PTPRM: variants seen among roughly 807,000 people sequenced by gnomAD.
PTPRM encodes the protein protein tyrosine phosphatase receptor type M, also known as receptor-type tyrosine-protein phosphatase mu.
Under a neutral mutation model 186.7 loss-of-function variants are expected in PTPRM, and 47 were observed. The ratio of observed to expected loss-of-function variants is 0.25; its 90% CI spans 0.20 to 0.32. The LOEUF (loss-of-function observed/expected upper bound fraction) is 0.32. PTPRM is among the 10% of genes least tolerant of loss of function. The pLI is 1.00. For synonymous variants in PTPRM, 668 were observed against 674.9 expected, an observed-to-expected ratio of 0.99 and a Z score of 0.16; for missense variants, 1,494 against 1,865.0, an observed-to-expected ratio of 0.80 and a Z score of 3.66.
intron 14 of PTPRM, among the ~76,000 whole-genome samples, chr18:8,192,189 A>G (rs2093719080): frequency 6.6e-6 from 1 of 152,184 alleles, no homozygotes; most frequent in Non-Finnish European, 1.5e-5. Context: ...GTAATATTAA[A>G]TTTGAATTGG....
At chr18:7,854,505 G>C (rs1169187353) in intron 2 of PTPRM, among the ~76,000 whole-genome samples, 1 of 152,132 alleles carries the variant, frequency 6.6e-6, no homozygotes, top group Non-Finnish European at 1.5e-5. Context: ...ATTACAGATG[G>C]AAAGTTTGTA....
At chr18:8,099,046 T>G (rs577243021) in intron 11 of PTPRM, among the ~76,000 whole-genome samples, 9 of 152,290 alleles carry the variant, frequency 5.9e-5, no homozygotes, top group Non-Finnish European at 1.3e-4. Flanking sequence ...TGTGGGTTTA[T>G]TTTGCAGCTG....
At chr18:7,961,068 A>G (rs1453289369) in intron 7 of PTPRM, among the ~76,000 whole-genome samples, 1 of 152,162 alleles carries the variant, frequency 6.6e-6, no homozygotes, top group Non-Finnish European at 1.5e-5. Context: ...GGCATGCAAT[A>G]TGTAATAATC....
intron 7 of PTPRM, among the ~76,000 whole-genome samples, chr18:8,032,867 C>T (rs1289851837): frequency 6.6e-6 from 1 of 151,816 alleles, no homozygotes; most frequent in Non-Finnish European, 1.5e-5. Flanking sequence ...TTAGATTAAC[C>T]CCCTATAGGT....
intron 2 of PTPRM, among the ~76,000 whole-genome samples, chr18:7,820,155 A>AT (rs35663656): frequency 0.69 from 105,583 of 152,048 alleles, 37,814 homozygotes; most frequent in East Asian, 0.94. Context: ...TCCAGCTTCC[A>AT]ATTAGCTATA....
chr18:8,296,823 A>G (rs1012171968), intron 20 of PTPRM, among the ~76,000 whole-genome samples: 4 of 152,210 alleles, frequency 2.6e-5, no homozygotes, highest in African/African-American at 9.6e-5. Flanking sequence ...AAGAGCTCAG[A>G]GTTCTCAGCA....
chr18:8,345,952 A>G (rs1305130205), intron 23 of PTPRM, among the ~76,000 whole-genome samples: 1 of 152,242 alleles, frequency 6.6e-6, no homozygotes, highest in African/African-American at 2.4e-5. Flanking sequence ...TCTGTATTAC[A>G]AAGGGTATAA....
intron 7 of PTPRM, among the ~76,000 whole-genome samples, chr18:7,980,309 C>G (rs1376240198): frequency 6.6e-6 from 1 of 152,162 alleles, no homozygotes; most frequent in African/African-American, 2.4e-5. Flanking sequence ...TCAGCCACTA[C>G]TATGGCTCCT....
intron 22 of PTPRM, among the ~76,000 whole-genome samples, chr18:8,320,179 A>T (rs2095336857): frequency 6.6e-6 from 1 of 152,172 alleles, no homozygotes; most frequent in Admixed American, 6.5e-5. Context: ...AGTGAAAAGG[A>T]TGTGATCTGC....
At chr18:7,777,197 T>A (rs2042629846) in intron 2 of PTPRM, among the ~76,000 whole-genome samples, 1 of 152,166 alleles carries the variant, frequency 6.6e-6, no homozygotes, top group Admixed American at 6.5e-5. Flanking sequence ...GTATGTGTAT[T>A]TGTCTTATGT....
At chr18:7,742,492 G>C (rs1405020211) in intron 1 of PTPRM, among the ~76,000 whole-genome samples, 1 of 152,118 alleles carries the variant, frequency 6.6e-6, no homozygotes. Context: ...TATAGTGCCA[G>C]GAAATTGGGT....
chr18:8,251,290 C>T (rs1362815391), intron 17 of PTPRM, among the ~76,000 whole-genome samples: 1 of 152,162 alleles, frequency 6.6e-6, no homozygotes, highest in African/African-American at 2.4e-5. Flanking sequence ...TTATGTTCAT[C>T]CCATAAGATA....
At chr18:8,082,886 C>A (rs956267559) in intron 9 of PTPRM, among the ~76,000 whole-genome samples, 1 of 152,088 alleles carries the variant, frequency 6.6e-6, no homozygotes, top group Non-Finnish European at 1.5e-5. Flanking sequence ...AATTTCTCCT[C>A]ATATGTTCCA....
rs535771895 is a variant in PTPRM, at chr18:7,962,579, T to A, written c.1132+7165T>A. ...GTGATTCGTTTTAAATATATCTGAA[T>A]GAGATTCTCATGTTGGAAATGAGTA... On this transcript the variant is annotated intron_variant, in intron 7 of 32. Transcript: ENST00000580170. Among the ~76,000 whole-genome samples the A allele has an allele frequency of 2.6e-5, 4 of 152,310 alleles. No individual in the cohort carries two copies. In the South Asian group the frequency reaches 8.3e-4, roughly 32 times the overall value.
intron 30 of PTPRM, 147 bp downstream of exon 30, chr18:8,384,833 A>T: frequency 2.0e-6 from 2 of 997,314 alleles, no homozygotes; most frequent in South Asian, 3.3e-5. Context: ...TCCTGACCTT[A>T]TGGAGCTTAC....
chr18:7,666,771 A>C (rs772010889), intron 1 of PTPRM, among the ~76,000 whole-genome samples: 17 of 152,244 alleles, frequency 1.1e-4, no homozygotes, highest in Non-Finnish European at 2.4e-4. Flanking sequence ...AACAATTTGC[A>C]TAGCAGTTTA....
intron 2 of PTPRM, among the ~76,000 whole-genome samples, chr18:7,802,617 G>T (rs773199162): frequency 1.3e-5 from 2 of 152,100 alleles, no homozygotes; most frequent in Non-Finnish European, 2.9e-5. Context: ...AGTATTTAAC[G>T]CTGTATTGCA....
chr18:8,112,836 G>A (rs547388748), intron 11 of PTPRM, among the ~76,000 whole-genome samples: 21 of 152,208 alleles, frequency 1.4e-4, no homozygotes, highest in African/African-American at 3.1e-4. Context: ...TATGAGATTC[G>A]AGGGGCCTTG....
chr18:7,986,905 G>A (rs566667383), intron 7 of PTPRM, among the ~76,000 whole-genome samples: 1 of 152,250 alleles, frequency 6.6e-6, no homozygotes, highest in Non-Finnish European at 1.5e-5. Flanking sequence ...TTAGGATACA[G>A]GCATTGTACA....
Sources: gnomAD v4.1 joint callset for allele counts (sites outside exome capture counted in the v4.1 genomes callset) on GRCh38, gnomAD v4.1.1 for gene constraint, MANE v1.5 for transcripts, NCBI Gene and HGNC (gene_info 2026-07-23, HGNC 2026-07-21) for gene names.